Variants in TRAK1 observed in about 807,000 individuals in gnomAD.
The protein encoded by TRAK1 is trafficking kinesin protein 1.
In TRAK1, 33 loss-of-function variants were observed where a neutral mutation model predicts 92.1. The ratio of observed to expected loss-of-function variants is 0.36; its 90% confidence interval spans 0.27 to 0.48. The LOEUF is 0.48. Ranked by LOEUF, TRAK1 falls within the 20% of genes least tolerant of loss-of-function variation. The probability of loss-of-function intolerance (pLI) is 0.99; values close to 1 mark genes in which losing one functional copy is unlikely to be tolerated. For synonymous variants in TRAK1, 521 were observed against 517.3 expected, an observed-to-expected ratio of 1.01 and a Z score of -0.10; for missense variants, 1,123 against 1,257.9, an observed-to-expected ratio of 0.89 and a Z score of 1.62.
chr3:42,176,809 T>TA lies in TRAK1; in HGVS notation c.287-4dup. On this transcript the variant is annotated splice_polypyrimidine_tract_variant and splice_region_variant and intron_variant, in intron 2 of 15. Coordinates refer to ENST00000327628, the MANE Select transcript of TRAK1 (RefSeq NM_001042646.3). Reference sequence around the variant, plus strand: ...GAGTCTCATTGTCATTTTTATTTCTTACAGTTTTATGTGCTGAAAGAGTTG... The same window carrying TA: ...GAGTCTCATTGTCATTTTTATTTCTTAACAGTTTTATGTGCTGAAAGAGTTG... 4.3e-6 allele frequency: 7 copies of TA among 1,613,390 alleles called. No homozygotes were observed. Among genetic ancestry groups the TA allele is most frequent in the Non-Finnish European group, 5.1e-6 (6 of 1,179,442 alleles).
chr3:42,176,961 T>C, intron 3 of TRAK1, 71 bp downstream of exon 3: 1 of 1,364,578 alleles, frequency 7.3e-7, no homozygotes, highest in Non-Finnish European at 1.0e-6. Flanking sequence ...GATTAAAGCA[T>C]GCCTTATCAC....
At chr3:42,157,972 C>G (rs1460266549) in intron 2 of TRAK1, among the ~76,000 whole-genome samples, 3 of 152,112 alleles carry the variant, frequency 2.0e-5, no homozygotes, top group Non-Finnish European at 2.9e-5. Flanking sequence ...TGTGTACCCC[C>G]CAAAAACAAA....
intron 2 of TRAK1, among the ~76,000 whole-genome samples, chr3:42,161,616 A>G (rs147490158): frequency 9.9e-4 from 151 of 152,320 alleles, no homozygotes; most frequent in African/African-American, 3.1e-3. Context: ...TTTGTTTTCA[A>G]CATTATTTAT....
chr3:42,123,394 T>C (rs937212239), intron 1 of TRAK1, among the ~76,000 whole-genome samples: 1 of 152,228 alleles, frequency 6.6e-6, no homozygotes. Flanking sequence ...TCCCTGCTGT[T>C]CCTGCTTTGG....
At chr3:42,046,216 T>A (rs1702742790) in intron 1 of TRAK1, among the ~76,000 whole-genome samples, 1 of 152,098 alleles carries the variant, frequency 6.6e-6, no homozygotes, top group South Asian at 2.1e-4. Flanking sequence ...AAACTTAACA[T>A]GGGTAGCAGA....
intron 3 of TRAK1, among the ~76,000 whole-genome samples, chr3:42,183,569 A>AAG (rs1704350574): frequency 8.1e-6 from 1 of 123,388 alleles, no homozygotes; most frequent in Admixed American, 7.7e-5. Flanking sequence ...AAAAAAAAAA[A>AAG]AAGAAAGAAA....
chr3:42,200,777 C>T (rs751927887), intron 11 of TRAK1, 41 bp from the exon 12 acceptor site: 4 of 1,602,092 alleles, frequency 2.5e-6, no homozygotes, highest in Admixed American at 1.7e-5. Flanking sequence ...CAGGGTTGTG[C>T]CCGCATTTGC....
chr3:42,089,495 C>T (rs536728288), upstream of TRAK1, among the ~76,000 whole-genome samples: 2 of 152,330 alleles, frequency 1.3e-5, no homozygotes, highest in East Asian at 1.9e-4. Context: ...AGGAATCCCT[C>T]TTTGCCCCGC....
intron 2 of TRAK1, among the ~76,000 whole-genome samples, chr3:42,132,060 C>T (rs557209273): frequency 9.9e-5 from 15 of 152,128 alleles, no homozygotes; most frequent in African/African-American, 3.6e-4. Context: ...CAGAGCGAGA[C>T]TCTGCCTCAA....
chr3:42,055,713 C>G (rs769439193), intron 1 of TRAK1, among the ~76,000 whole-genome samples: 1 of 152,108 alleles, frequency 6.6e-6, no homozygotes, highest in Non-Finnish European at 1.5e-5. Context: ...ATCCTCCTTC[C>G]TCGCCTGCCA....
intron 1 of TRAK1, among the ~76,000 whole-genome samples, chr3:42,064,040 G>A (rs1203532719): frequency 9.2e-5 from 14 of 152,196 alleles, no homozygotes; most frequent in African/African-American, 3.1e-4. Context: ...GAGAGGCCCA[G>A]TCATCCCTTT....
intron 2 of TRAK1, among the ~76,000 whole-genome samples, chr3:42,135,607 C>T (rs980291918): frequency 2.6e-5 from 4 of 152,188 alleles, no homozygotes; most frequent in Admixed American, 2.6e-4. Flanking sequence ...AAGTCTCATC[C>T]AGGGTATTTC....
intron 3 of TRAK1, among the ~76,000 whole-genome samples, chr3:42,183,553 T>TAAAAAAAAAAAAAAAAAAAAAAA (rs11293523): frequency 7.7e-5 from 9 of 117,326 alleles, no homozygotes; most frequent in African/African-American, 2.9e-4. Flanking sequence ...AGACTCTGTC[T>TAAAAAAAAAAAAAAAAAAAAAAA]AAAAAAAAAA....
intron 12 of TRAK1, among the ~76,000 whole-genome samples, chr3:42,201,883 GACAC>G (rs56336064): frequency 0.17 from 20,706 of 124,882 alleles, 1,583 homozygotes; most frequent in Non-Finnish European, 0.2. Context: ...CGGACAGACG[GACAC>G]ACACACACAC....
intron 1 of TRAK1, among the ~76,000 whole-genome samples, chr3:42,112,767 TTTTG>T (rs1020669616): frequency 6.0e-5 from 9 of 150,920 alleles, no homozygotes; most frequent in South Asian, 2.1e-4. Flanking sequence ...CCAACTAATT[TTTTG>T]TTTGTTTGTT....
At chr3:42,054,783 A>G (rs1703128443) in intron 1 of TRAK1, among the ~76,000 whole-genome samples, 1 of 151,952 alleles carries the variant, frequency 6.6e-6, no homozygotes, top group South Asian at 2.1e-4. Flanking sequence ...ATCATTTTCC[A>G]TTTTACAAAC....
At chr3:42,192,066 T>A (rs1466166522) in intron 7 of TRAK1, among the ~76,000 whole-genome samples, 1 of 149,614 alleles carries the variant, frequency 6.7e-6, no homozygotes, top group African/African-American at 2.5e-5. Context: ...CATGCCTGGC[T>A]ATTTTTTTGT....
At position 42,104,071 on chromosome 3, in the gene TRAK1, C is replaced by T. The variant is rs532682802; in HGVS notation, c.91+12511C>T. Among the ~76,000 whole-genome samples the T allele has an allele frequency of 3.3e-5, 5 of 152,326 alleles. No individual in the cohort carries two copies. In the South Asian group the frequency reaches 1.0e-3, roughly 32 times the overall value. On this transcript the variant is annotated intron_variant, in intron 1 of 15. Coordinates refer to ENST00000327628, the MANE Select transcript of TRAK1 (RefSeq NM_001042646.3). ...CACGCCCACGGAACCTCACTCACTG[C>T]TAGCACAGCAGTCTGAGATCAAACT...
chr3:42,212,790 A>C (rs573600363), intron 14 of TRAK1, among the ~76,000 whole-genome samples: 4 of 152,226 alleles, frequency 2.6e-5, no homozygotes, highest in Non-Finnish European at 4.4e-5. Flanking sequence ...AGTTAAAGTC[A>C]CACAGTTAAA....
Sources: gnomAD v4.1 joint callset for allele counts (sites outside exome capture counted in the v4.1 genomes callset) on GRCh38, gnomAD v4.1.1 for gene constraint, MANE v1.5 for transcripts, NCBI Gene and HGNC (gene_info 2026-07-23, HGNC 2026-07-21) for gene names.